SLC2A13: variants seen among roughly 807,000 people sequenced by gnomAD.
SLC2A13 encodes the protein solute carrier family 2 member 13.
In SLC2A13, 32 loss-of-function variants were observed where a neutral mutation model predicts 64.4. The observed-to-expected ratio is 0.50, with a 90% CI of 0.37 to 0.67. The LOEUF is 0.67. SLC2A13 is among the 30% of genes least tolerant of loss of function. SLC2A13 has a pLI of 0.00. For missense variants in SLC2A13, 743 were observed against 829.2 expected, an observed-to-expected ratio of 0.90 and a Z score of 1.28; for synonymous variants, 338 against 327.1, an observed-to-expected ratio of 1.03 and a Z score of -0.36.
chr12:40,056,425 T>C (rs1364851374), intron 1 of SLC2A13, among the ~76,000 whole-genome samples: 2 of 152,170 alleles, frequency 1.3e-5, no homozygotes, highest in African/African-American at 4.8e-5. Flanking sequence ...TATAAAAACA[T>C]GGGAAAGATC....
chr12:39,774,865 T>G (rs1326765814), intron 7 of SLC2A13, among the ~76,000 whole-genome samples: 1 of 152,120 alleles, frequency 6.6e-6, no homozygotes, highest in Non-Finnish European at 1.5e-5. Context: ...GCAAAATAGA[T>G]GGATGGAGTA....
chr12:39,839,760 C>A (rs1943129912), intron 6 of SLC2A13, among the ~76,000 whole-genome samples: 1 of 152,008 alleles, frequency 6.6e-6, no homozygotes, highest in Non-Finnish European at 1.5e-5. Flanking sequence ...ATACACTGAG[C>A]CCCCATGACC....
chr12:39,892,588 G>A lies in SLC2A13; in HGVS notation c.1035-20627C>T, dbSNP rs11174159. The stretch of plus-strand genomic sequence containing the variant: ...CTTGGTTTTGACCAATAAATTGGGT[G>A]CATTAAACAATAAACTTATTTCTTC... On this transcript the variant is annotated intron_variant, in intron 4 of 9. Coordinates refer to ENST00000280871, the MANE Select transcript of SLC2A13 (RefSeq NM_052885.4). 7.8e-3 allele frequency among the ~76,000 whole-genome samples: 1,181 copies of A among 152,194 alleles called. 18 individuals are homozygous for A. Among genetic ancestry groups the A allele is most frequent in the African/African-American group, 0.027 (1,118 of 41,518 alleles).
chr12:40,094,020 A>G (rs1938851212), intron 1 of SLC2A13, among the ~76,000 whole-genome samples: 3 of 152,208 alleles, frequency 2.0e-5, no homozygotes, highest in Admixed American at 6.5e-5. Flanking sequence ...GAAATACTCC[A>G]AGTGAGAGAT....
intron 1 of SLC2A13, among the ~76,000 whole-genome samples, chr12:40,050,995 A>G (rs909027504): frequency 1.3e-5 from 2 of 152,186 alleles, no homozygotes; most frequent in African/African-American, 4.8e-5. Context: ...AATTATTTTT[A>G]TTCTTATTAT....
chr12:39,848,580 G>A (rs1455485805), intron 6 of SLC2A13, among the ~76,000 whole-genome samples: 1 of 152,166 alleles, frequency 6.6e-6, no homozygotes, highest in Non-Finnish European at 1.5e-5. Context: ...TGGTAGGAGT[G>A]TAAACTAATT....
chr12:40,105,861 C>A lies in SLC2A13; in HGVS notation c.-53G>T, dbSNP rs982275499. On this transcript the variant is annotated 5_prime_UTR_variant, in exon 1 of 10. Coordinates refer to ENST00000280871, the MANE Select transcript of SLC2A13 (RefSeq NM_052885.4). The surrounding 1 kb of genome is among the most constrained non-coding windows in gnomAD (Gnocchi z 4.2). Reference sequence around the variant, plus strand: ...GGACGCGGCTCCGCGGGCCGGCAGTCTCGGCGAGCTAGACAGCCCGAGCCG... The same window carrying A: ...GGACGCGGCTCCGCGGGCCGGCAGTATCGGCGAGCTAGACAGCCCGAGCCG... The A allele has an allele frequency of 7.5e-7, 1 of 1,336,762 alleles. No individual in the cohort carries two copies. Among genetic ancestry groups the A allele is most frequent in the South Asian group, 2.0e-5 (1 of 49,892 alleles). 82.8% of individuals were successfully genotyped at this position (1,336,762 alleles called of 1,614,324 possible). A position where few individuals can be genotyped will look rare whatever the true frequency, so the allele number is the denominator to read the frequency against.
At chr12:39,982,412 G>C (rs1455338075) in intron 3 of SLC2A13, among the ~76,000 whole-genome samples, 1 of 148,710 alleles carries the variant, frequency 6.7e-6, no homozygotes, top group Non-Finnish European at 1.5e-5. Context: ...CGACATGATT[G>C]TTTACCTAGA....
intron 2 of SLC2A13, among the ~76,000 whole-genome samples, chr12:40,039,998 C>A (rs1948058606): frequency 6.6e-6 from 1 of 152,182 alleles, no homozygotes; most frequent in Admixed American, 6.5e-5. Context: ...TTATAATGGT[C>A]ATCTTCAGGG....
intron 4 of SLC2A13, among the ~76,000 whole-genome samples, chr12:39,916,565 G>A (rs774957772): frequency 6.6e-5 from 10 of 151,860 alleles, no homozygotes; most frequent in Non-Finnish European, 8.8e-5. Flanking sequence ...TTTCTTTTTC[G>A]TGTTACGAGA....
At chr12:40,091,415 G>A (rs188900427) in intron 1 of SLC2A13, among the ~76,000 whole-genome samples, 1 of 152,202 alleles carries the variant, frequency 6.6e-6, no homozygotes, top group Admixed American at 6.5e-5. Context: ...AGGATAAGGA[G>A]GAAATCTAAA....
chr12:40,067,133 T>C (rs2136262259), intron 1 of SLC2A13, among the ~76,000 whole-genome samples: 1 of 152,276 alleles, frequency 6.6e-6, no homozygotes, highest in East Asian at 1.9e-4. Flanking sequence ...ACCAAGAGGC[T>C]TTAGGATTCA....
chr12:39,872,104 A>C, intron 4 of SLC2A13, 143 bp from the exon 5 acceptor site: 1 of 616,470 alleles, frequency 1.6e-6, no homozygotes, highest in Non-Finnish European at 2.5e-6. Flanking sequence ...GAATTCATGC[A>C]AGCTGTTGAA....
intron 9 of SLC2A13, among the ~76,000 whole-genome samples, chr12:39,763,468 G>A (rs1476553427): frequency 6.6e-6 from 1 of 152,002 alleles, no homozygotes; most frequent in Non-Finnish European, 1.5e-5. Context: ...TGCTTATCAG[G>A]TGAACAGGAT....
chr12:39,876,452 A>G (rs1237685659), intron 4 of SLC2A13, among the ~76,000 whole-genome samples: 1 of 152,242 alleles, frequency 6.6e-6, no homozygotes, highest in Non-Finnish European at 1.5e-5. Flanking sequence ...TACTTGCATT[A>G]TAGAATTAAC....
chr12:39,781,270 T>A (rs914442851), intron 7 of SLC2A13, among the ~76,000 whole-genome samples: 1 of 152,168 alleles, frequency 6.6e-6, no homozygotes, highest in Non-Finnish European at 1.5e-5. Flanking sequence ...ATTCACTCTA[T>A]CCTCCCTTCT....
At position 39,924,954 on chromosome 12, in the gene SLC2A13, C is replaced by G. The variant is rs373849606; in HGVS notation, c.1034+26303G>C. ...ATTTTTCTTCAACATTTATTTATATCATCATACACATTAGGGAGCATGACA... is the reference window on the plus strand; with the variant it reads ...ATTTTTCTTCAACATTTATTTATATGATCATACACATTAGGGAGCATGACA... On this transcript the variant is annotated intron_variant, in intron 4 of 9. Coordinates refer to ENST00000280871, the MANE Select transcript of SLC2A13 (RefSeq NM_052885.4). 2.4e-4 allele frequency among the ~76,000 whole-genome samples: 37 copies of G among 151,464 alleles called. No individual in the cohort carries two copies. In the East Asian group the frequency reaches 3.5e-3, roughly 14 times the overall value.
At chr12:39,776,092 C>A (rs1940765916) in intron 7 of SLC2A13, among the ~76,000 whole-genome samples, 2 of 152,186 alleles carry the variant, frequency 1.3e-5, no homozygotes, top group Non-Finnish European at 2.9e-5. Flanking sequence ...GGGGCTTCTT[C>A]TTCCATATTG....
chr12:39,883,271 T>C (rs1188952045), intron 4 of SLC2A13, among the ~76,000 whole-genome samples: 4 of 152,162 alleles, frequency 2.6e-5, no homozygotes, highest in Admixed American at 6.6e-5. Context: ...TGTGTCTTAG[T>C]TTTTCTGAAT....
Sources: allele counts gnomAD v4.1 joint callset (sites outside exome capture counted in the v4.1 genomes callset), GRCh38; gene constraint gnomAD v4.1.1; non-coding constraint Gnocchi (gnomAD v3.1); transcripts MANE v1.5; gene names NCBI Gene and HGNC (gene_info 2026-07-23, HGNC 2026-07-21).